Variants in NRXN1 observed in about 807,000 individuals in gnomAD.
NRXN1 encodes the protein neurexin 1.
In NRXN1, 39 loss-of-function variants were observed where a neutral mutation model predicts 150.9. The observed-to-expected ratio is 0.26, with a 90% CI of 0.20 to 0.34. NRXN1 has a LOEUF of 0.34. NRXN1 is among the 10% of genes least tolerant of loss of function. The pLI is 1.00. For missense variants in NRXN1, 1,815 were observed against 1,949.9 expected, an observed-to-expected ratio of 0.93 and a Z score of 1.30; for synonymous variants, 924 against 757.0, an observed-to-expected ratio of 1.22 and a Z score of -3.62.
chr2:50,612,215 G>A (rs551246213), intron 8 of NRXN1, among the ~76,000 whole-genome samples: 8 of 150,812 alleles, frequency 5.3e-5, no homozygotes, highest in Admixed American at 6.7e-5. Flanking sequence ...TGCCAAATAG[G>A]GATAGTATTT....
chr2:50,140,960 T>A (rs1410394674), intron 18 of NRXN1, among the ~76,000 whole-genome samples: 1 of 152,126 alleles, frequency 6.6e-6, no homozygotes, highest in Non-Finnish European at 1.5e-5. Context: ...TATATACGTA[T>A]AATTTTCTTC....
At chr2:50,975,836 G>A (rs532347914) in intron 2 of NRXN1, among the ~76,000 whole-genome samples, 2 of 152,166 alleles carry the variant, frequency 1.3e-5, no homozygotes, top group South Asian at 4.1e-4. Context: ...TACATGGGAA[G>A]GGCTAACCCA....
chr2:50,110,998 TC>T (rs1356253151), intron 18 of NRXN1, among the ~76,000 whole-genome samples: 4 of 152,218 alleles, frequency 2.6e-5, no homozygotes, highest in East Asian at 1.9e-4. Context: ...TTTATTTTCA[TC>T]TTTTTTATTT....
Position 50,138,344 on chromosome 2 carries a change from A to AT in NRXN1, c.3547-46851dup, listed in dbSNP as rs534556500. On this transcript the variant is annotated intron_variant, in intron 18 of 22. Transcript: ENST00000401669. ...TTACACAATTATTCTGGTTTCTAAG[A>AT]TTAAAAAAACAATCTTCCTACAAGA... 9.7e-5 allele frequency among the ~76,000 whole-genome samples: 14 copies of AT among 144,774 alleles called. No homozygotes were observed. The South Asian group carries it at 3.2e-3, about 33-fold the overall frequency. 95.0% of individuals were successfully genotyped at this position (144,774 alleles called of 152,430 possible). A position where few individuals can be genotyped will look rare whatever the true frequency, so the allele number is the denominator to read the frequency against.
At chr2:50,753,807 C>G (rs1196421554) in intron 5 of NRXN1, among the ~76,000 whole-genome samples, 1 of 151,636 alleles carries the variant, frequency 6.6e-6, no homozygotes, top group Admixed American at 6.6e-5. Context: ...AAGGTAATCC[C>G]TAAGTGAGAG....
intron 18 of NRXN1, among the ~76,000 whole-genome samples, chr2:50,162,264 C>G (rs1392161867): frequency 1.3e-5 from 2 of 152,050 alleles, no homozygotes; most frequent in Non-Finnish European, 2.9e-5. Context: ...ATTACTGGCA[C>G]TAGTATCAAA....
rs1018555642 is a variant in NRXN1, at chr2:51,028,845, G to C, written c.-572C>G. On this transcript the variant is annotated 5_prime_UTR_variant, in exon 2 of 23. Transcript: ENST00000401669. ...CAGATGTGGTGTCTTACAGCAGAAC[G>C]GAGAAAGGGATGCTTGCCTCTTTAG... 1 of 152,280 alleles carries C rather than the reference G, an allele frequency of 6.6e-6. No individual in the cohort carries two copies. Among genetic ancestry groups the C allele is most frequent in the African/African-American group, 2.4e-5 (1 of 41,444 alleles). 9.4% of individuals were successfully genotyped at this position (152,280 alleles called of 1,614,324 possible). A position where few individuals can be genotyped will look rare whatever the true frequency, so the allele number is the denominator to read the frequency against.
At chr2:50,245,580 G>A (rs569678520) in intron 17 of NRXN1, among the ~76,000 whole-genome samples, 5 of 151,882 alleles carry the variant, frequency 3.3e-5, no homozygotes, top group African/African-American at 1.2e-4. Context: ...ACCTAAGTGT[G>A]CATGTTCCCA....
At chr2:50,218,169 A>G (rs2063533355) in intron 18 of NRXN1, among the ~76,000 whole-genome samples, 1 of 152,058 alleles carries the variant, frequency 6.6e-6, no homozygotes, top group South Asian at 2.1e-4. Flanking sequence ...TATTTCTTCA[A>G]AAGTCTTAAT....
intron 5 of NRXN1, among the ~76,000 whole-genome samples, chr2:50,645,607 T>C (rs1057362615): frequency 2.6e-5 from 4 of 152,006 alleles, no homozygotes; most frequent in African/African-American, 9.7e-5. Flanking sequence ...GCCTGTCATG[T>C]ACTAAGCATT....
intron 2 of NRXN1, among the ~76,000 whole-genome samples, chr2:50,971,321 A>G (rs1694956754): frequency 6.6e-6 from 1 of 152,152 alleles, no homozygotes; most frequent in African/African-American, 2.4e-5. Context: ...GTGGTGGCTC[A>G]CACCTGTAAT....
At chr2:50,272,630 T>C (rs2069850149) in intron 17 of NRXN1, among the ~76,000 whole-genome samples, 1 of 151,822 alleles carries the variant, frequency 6.6e-6, no homozygotes, top group African/African-American at 2.4e-5. Flanking sequence ...AATGGAAGAG[T>C]AAATAAAACT....
At chr2:50,424,423 C>A (rs182893901) in intron 17 of NRXN1, among the ~76,000 whole-genome samples, 2 of 151,424 alleles carry the variant, frequency 1.3e-5, no homozygotes, top group African/African-American at 2.4e-5. Flanking sequence ...GGTACCTGGA[C>A]CTAGAACCTC....
intron 18 of NRXN1, among the ~76,000 whole-genome samples, chr2:50,117,026 G>C (rs1466042236): frequency 6.6e-6 from 1 of 152,048 alleles, no homozygotes; most frequent in Non-Finnish European, 1.5e-5. Context: ...ACAGAAAATT[G>C]CCTCTGTGCA....
intron 2 of NRXN1, among the ~76,000 whole-genome samples, chr2:51,024,344 T>C (rs1457755729): frequency 6.6e-6 from 1 of 152,196 alleles, no homozygotes; most frequent in African/African-American, 2.4e-5. Context: ...TTTTGTTCTA[T>C]CAGCCATTTT....
At chr2:50,218,977 T>C (rs1004952472) in intron 18 of NRXN1, among the ~76,000 whole-genome samples, 2 of 152,076 alleles carry the variant, frequency 1.3e-5, no homozygotes, top group Non-Finnish European at 2.9e-5. Flanking sequence ...TCTTCTCTAT[T>C]GCCAATGGAT....
chr2:50,908,834 C>G (rs1684112160), intron 5 of NRXN1, among the ~76,000 whole-genome samples: 1 of 151,922 alleles, frequency 6.6e-6, no homozygotes, highest in South Asian at 2.1e-4. Flanking sequence ...GGAAGAGAGA[C>G]CTGAGCTGGC....
At chr2:50,794,224 GA>G (rs1195840127) in intron 5 of NRXN1, among the ~76,000 whole-genome samples, 9 of 152,060 alleles carry the variant, frequency 5.9e-5, no homozygotes, top group Non-Finnish European at 7.4e-5. Context: ...CAAATTTCAA[GA>G]GTGACCTTGT....
At chr2:50,206,827 T>C (rs1457726726) in intron 18 of NRXN1, among the ~76,000 whole-genome samples, 1 of 150,924 alleles carries the variant, frequency 6.6e-6, no homozygotes, top group Non-Finnish European at 1.5e-5. Context: ...ATTTTATTTA[T>C]TATGAATTAC....
Sources: allele counts gnomAD v4.1 joint callset (sites outside exome capture counted in the v4.1 genomes callset), GRCh38; gene constraint gnomAD v4.1.1; transcripts MANE v1.5; gene names NCBI Gene and HGNC (gene_info 2026-07-23, HGNC 2026-07-21).